Variants in CNST observed in about 807,000 individuals in gnomAD.
The protein encoded by CNST is consortin.
Under a neutral mutation model 72.4 loss-of-function variants are expected in CNST, and 39 were observed. That is an observed-to-expected ratio of 0.54 (90% CI 0.42 to 0.70). The LOEUF is 0.70. Among genes scored for constraint, CNST ranks in the 30% least tolerant of loss-of-function variants. The pLI is 0.00. For missense variants in CNST, 871 were observed against 868.5 expected (o/e 1.00, Z -0.04); for synonymous variants, 332 against 320.1 (o/e 1.04, Z -0.40).
intron 1 of CNST, among the ~76,000 whole-genome samples, chr1:246,568,133 TA>T (rs990039934): frequency 2.7e-5 from 4 of 149,990 alleles, no homozygotes; most frequent in Admixed American, 2.7e-4. Flanking sequence ...TCTGTCTCCT[TA>T]AAAAAAAAGA....
chr1:246,583,576 A>G (rs145921582), intron 1 of CNST, among the ~76,000 whole-genome samples: 60 of 152,196 alleles, frequency 3.9e-4, no homozygotes, highest in Non-Finnish European at 7.5e-4. Flanking sequence ...GCCTCATTGT[A>G]TTTAGTATGT....
At chr1:246,633,881 G>A (rs1664957433) in intron 4 of CNST, 43 bp from the exon 5 acceptor site, 1 of 1,317,624 alleles carries the variant, frequency 7.6e-7, no homozygotes, top group East Asian at 2.3e-5. Context: ...TGGGAATAAT[G>A]TAAATAGTGT....
intron 9 of CNST, among the ~76,000 whole-genome samples, chr1:246,650,513 A>G (rs1419553005): frequency 6.6e-6 from 1 of 152,194 alleles, no homozygotes; most frequent in Non-Finnish European, 1.5e-5. Flanking sequence ...TAAAGTTTCA[A>G]TGCTAAAAAT....
At chr1:246,640,741 A>G (rs1558581527) in intron 6 of CNST, among the ~76,000 whole-genome samples, 1 of 152,218 alleles carries the variant, frequency 6.6e-6, no homozygotes, top group Non-Finnish European at 1.5e-5. Context: ...GAACTCACTA[A>G]CAAATATTTA....
chr1:246,652,866 T>C lies in CNST; in HGVS notation c.1836+4829T>C, dbSNP rs12563655. On this transcript the variant is annotated intron_variant, in intron 9 of 10. Coordinates refer to ENST00000366513, the MANE Select transcript of CNST (RefSeq NM_152609.3). Reference sequence around the variant, plus strand: ...AAAAATACAAAAAACTAGCCGGGCGTGGTGGCGGGCGCCTGTAGTCCCAGC... The same window carrying C: ...AAAAATACAAAAAACTAGCCGGGCGCGGTGGCGGGCGCCTGTAGTCCCAGC... 1.5e-4 allele frequency among the ~76,000 whole-genome samples: 21 copies of C among 142,268 alleles called. 1 individual carries two copies. The highest frequency in any genetic ancestry group is 9.4e-4 in the South Asian group (4 of 4,268). 93.3% of individuals were successfully genotyped at this position (142,268 alleles called of 152,430 possible). A position where few individuals can be genotyped will look rare whatever the true frequency, so the allele number is the denominator to read the frequency against.
rs895510304 is a variant in CNST at position 246,668,390 on chromosome 1, C to CT, written c.*2488dup. 2 of 152,160 alleles carry CT rather than the reference C, an allele frequency of 1.3e-5. No homozygotes were observed. Among genetic ancestry groups the CT allele is most frequent in the African/African-American group, 4.8e-5 (2 of 41,430 alleles). The allele number at this position is 152,160 out of a possible 1,614,324, so 9.4% of individuals were successfully genotyped here. ...ACCATTGGGTGCTGAGAAAAAACTGCTTTAAAGTGAAACTTTGATTTCAGA... is the reference window on the plus strand; with the variant it reads ...ACCATTGGGTGCTGAGAAAAAACTGCTTTTAAAGTGAAACTTTGATTTCAGA... On this transcript the variant is annotated 3_prime_UTR_variant, in exon 11 of 11. Coordinates refer to ENST00000366513, the MANE Select transcript of CNST (RefSeq NM_152609.3).
At chr1:246,645,270 A>G (rs1665966618) in intron 8 of CNST, among the ~76,000 whole-genome samples, 1 of 146,412 alleles carries the variant, frequency 6.8e-6, no homozygotes, top group Non-Finnish European at 1.5e-5. Context: ...AAGTATCAAT[A>G]TGTTTTTGGA....
At chr1:246,568,044 T>TA (rs1421957950) in intron 1 of CNST, among the ~76,000 whole-genome samples, 5 of 152,130 alleles carry the variant, frequency 3.3e-5, no homozygotes, top group Non-Finnish European at 7.4e-5. Context: ...TTCATGCCTG[T>TA]AATCCCAGCA....
At chr1:246,652,780 G>T (rs6671660) in intron 9 of CNST, among the ~76,000 whole-genome samples, 1 of 150,766 alleles carries the variant, frequency 6.6e-6, no homozygotes, top group East Asian at 2.0e-4. Flanking sequence ...CAAGGCGGGC[G>T]GATCACGAGG....
At chr1:246,605,217 A>C (rs1368245962) in intron 2 of CNST, among the ~76,000 whole-genome samples, 1 of 152,234 alleles carries the variant, frequency 6.6e-6, no homozygotes, top group East Asian at 1.9e-4. Context: ...ATAAACAATG[A>C]ATTTAATCGG....
intron 3 of CNST, among the ~76,000 whole-genome samples, 186 bp downstream of exon 3, chr1:246,621,820 C>T (rs1664112029): frequency 6.6e-6 from 1 of 152,032 alleles, no homozygotes; most frequent in African/African-American, 2.4e-5. Context: ...CATGGCGAAA[C>T]CCCATCTCTA....
At position 246,667,801 on chromosome 1, in the gene CNST, G is replaced by C. The variant is rs960540901; in HGVS notation, c.*1896G>C. On this transcript the variant is annotated 3_prime_UTR_variant, in exon 11 of 11. Transcript: ENST00000366513. The stretch of plus-strand genomic sequence containing the variant: ...TTTCTAGTTACAGAAATTTGGTGAT[G>C]CTTATTTTTGCCAATTTTATGTCAA... 2.6e-5 allele frequency: 4 copies of C among 152,184 alleles called. No individual in the cohort carries two copies. The highest frequency in any genetic ancestry group is 5.9e-5 in the Non-Finnish European group (4 of 68,022). 9.4% of individuals were successfully genotyped at this position (152,184 alleles called of 1,614,324 possible).
intron 2 of CNST, among the ~76,000 whole-genome samples, chr1:246,603,700 A>G (rs1165610001): frequency 6.6e-6 from 1 of 152,184 alleles, no homozygotes; most frequent in African/African-American, 2.4e-5. Flanking sequence ...AAGAGGACAT[A>G]TGTGTGAAAT....
At chr1:246,607,398 G>A (rs931198226) in intron 2 of CNST, 1 of 152,202 alleles carries the variant, frequency 6.6e-6, no homozygotes, top group African/African-American at 2.4e-5. Flanking sequence ...CTAGGGAGGG[G>A]ATACGTCTGC....
intron 1 of CNST, among the ~76,000 whole-genome samples, chr1:246,577,924 C>G (rs1343303454): frequency 1.3e-5 from 2 of 152,084 alleles, no homozygotes; most frequent in Admixed American, 1.3e-4. Flanking sequence ...AAAATATCCT[C>G]TGTTCTCAAG....
At chr1:246,618,166 C>T (rs1258415548) in intron 2 of CNST, among the ~76,000 whole-genome samples, 4 of 152,306 alleles carry the variant, frequency 2.6e-5, no homozygotes, top group East Asian at 1.9e-4. Context: ...CAGTAATGGT[C>T]TGCATTTCTT....
intron 5 of CNST, 180 bp downstream of exon 5, chr1:246,634,190 TTC>T: frequency 1.8e-6 from 1 of 565,656 alleles, no homozygotes; most frequent in Non-Finnish European, 3.1e-6. Flanking sequence ...GAAGACTTTT[TTC>T]TTTGTATTTT....
chr1:246,617,187 C>T (rs1370681576), intron 2 of CNST, among the ~76,000 whole-genome samples: 2 of 152,096 alleles, frequency 1.3e-5, no homozygotes, highest in African/African-American at 4.8e-5. Flanking sequence ...ATGCATGTTA[C>T]TAAGTGAAAG....
chr1:246,577,542 T>A (rs1042767000), intron 1 of CNST, among the ~76,000 whole-genome samples: 1 of 152,104 alleles, frequency 6.6e-6, no homozygotes, highest in African/African-American at 2.4e-5. Context: ...ACAATGAGTT[T>A]TAAAAATTTC....
Sources: allele counts gnomAD v4.1 joint callset (sites outside exome capture counted in the v4.1 genomes callset), GRCh38; gene constraint gnomAD v4.1.1; transcripts MANE v1.5; gene names NCBI Gene and HGNC (gene_info 2026-07-23, HGNC 2026-07-21).